ARHGAP32: variants seen among roughly 807,000 people sequenced by gnomAD.
ARHGAP32 encodes Rho GTPase activating protein 32.
ARHGAP32 carries 51 observed loss-of-function variants against 186.5 expected under a neutral mutation model. That is an observed-to-expected ratio of 0.27 (90% CI 0.22 to 0.35). ARHGAP32 has a LOEUF of 0.35. Ranked by LOEUF, ARHGAP32 falls within the 10% of genes least tolerant of loss-of-function variation. ARHGAP32 has a pLI of 1.00. For missense variants in ARHGAP32, 2,186 were observed against 2,623.5 expected (o/e 0.83, Z 3.64); for synonymous variants, 950 against 964.3 (o/e 0.99, Z 0.27).
chr11:129,123,834 A>G lies in ARHGAP32; in HGVS notation c.359+54T>C, dbSNP rs1942593182. On this transcript the variant is annotated intron_variant, in intron 4 of 22. Coordinates refer to ENST00000682385, the MANE Select transcript of ARHGAP32 (RefSeq NM_001378024.1). The surrounding 1 kb of genome is among the most constrained non-coding windows in gnomAD (Gnocchi z 4.6). ...GGCAAATGTTATGGAAACTGTGGACAGCCAGCTTCTAACCAGAAGCATTCC... is the reference window on the plus strand; with the variant it reads ...GGCAAATGTTATGGAAACTGTGGACGGCCAGCTTCTAACCAGAAGCATTCC... The G allele has an allele frequency of 3.1e-6, 4 of 1,272,040 alleles. No homozygotes were observed. Among genetic ancestry groups the G allele is most frequent in the Non-Finnish European group, 4.1e-6 (4 of 974,752 alleles). 78.8% of individuals were successfully genotyped at this position (1,272,040 alleles called of 1,614,324 possible).
intron 11 of ARHGAP32, among the ~76,000 whole-genome samples, chr11:129,038,298 C>T (rs1164357429): frequency 6.6e-6 from 1 of 151,994 alleles, no homozygotes; most frequent in Non-Finnish European, 1.5e-5. Context: ...CCTGCCTCAT[C>T]ACCATACACA....
At position 128,974,602 on chromosome 11, in the gene ARHGAP32, G is replaced by C. The variant is rs776618929; in HGVS notation, c.2595C>G (p.Ser865Arg). The C allele has an allele frequency of 6.2e-7, 1 of 1,614,186 alleles. No individual in the cohort carries two copies. Among genetic ancestry groups the C allele is most frequent in the Non-Finnish European group, 8.5e-7 (1 of 1,180,028 alleles). The change falls in exon 21 of 23, where the codon AGC (serine) becomes AGG (arginine). Residue 865 changes from serine to arginine, a missense_variant. Around this residue, in one of 5 missense-constraint regions of ARHGAP32, gnomAD observed 1,502 missense variants for 1,570.0 expected, o/e 0.96. Coordinates refer to ENST00000682385, the MANE Select transcript of ARHGAP32 (RefSeq NM_001378024.1). ...CCTGAAGAGGAGAGACAGGTTCAGAGCTTGCTGTGCTTCCTGGAGTCTGAC... is the reference window on the plus strand; with the variant it reads ...CCTGAAGAGGAGAGACAGGTTCAGACCTTGCTGTGCTTCCTGGAGTCTGAC... The part of the protein sequence containing the change: ...SQCQTPGSTA[S>R]SEPVSPLQEK...
intron 1 of ARHGAP32, among the ~76,000 whole-genome samples, chr11:129,273,129 T>C (rs1048253553): frequency 6.6e-6 from 1 of 152,220 alleles, no homozygotes; most frequent in Non-Finnish European, 1.5e-5. Flanking sequence ...GTCCTCAAAC[T>C]GCCAGATCAT....
chr11:129,130,743 G>A (rs1443100275), intron 2 of ARHGAP32, among the ~76,000 whole-genome samples: 1 of 152,158 alleles, frequency 6.6e-6, no homozygotes, highest in Non-Finnish European at 1.5e-5. Context: ...TTGGTGGTTA[G>A]AGTATACAAC....
At chr11:129,275,028 T>C (rs1945515010) in intron 1 of ARHGAP32, among the ~76,000 whole-genome samples, 2 of 152,326 alleles carry the variant, frequency 1.3e-5, no homozygotes, top group East Asian at 1.9e-4. Flanking sequence ...CAGAAGTATC[T>C]TTCCACCCAT....
At chr11:128,997,115 T>C (rs1229289408) in intron 12 of ARHGAP32, among the ~76,000 whole-genome samples, 1 of 152,216 alleles carries the variant, frequency 6.6e-6, no homozygotes, top group African/African-American at 2.4e-5. Context: ...ATTGTTTTAA[T>C]ATATAGTAAA....
chr11:129,137,678 A>G (rs936384815), intron 2 of ARHGAP32, among the ~76,000 whole-genome samples: 2 of 152,058 alleles, frequency 1.3e-5, no homozygotes, highest in Non-Finnish European at 2.9e-5. Flanking sequence ...AGATACAAAT[A>G]TAAAATCGAA....
chr11:129,064,932 G>T lies in ARHGAP32; in HGVS notation c.671C>A (p.Ser224Ter). ...GTAAGCCATAAGCATCTGAGTGACC[G>T]ACTGAAAAGAAAAAGATCAGTGTAA... is the stretch of plus-strand genomic sequence containing the variant. Reference protein sequence around the residue: ...RSDTLKDSPESVTQMLMAYLS... With the variant: ...RSDTLKDSPE The change falls in exon 8 of 23, where the codon TCG (serine) becomes TAG (stop). Residue 224 changes from serine (S) to a stop codon, truncating the protein, a stop_gained and splice_region_variant. Transcript: ENST00000682385. LOFTEE classifies it high-confidence loss of function. 6.3e-7 allele frequency: 1 copy of T among 1,580,812 alleles called. No individual in the cohort carries two copies. Among genetic ancestry groups the T allele is most frequent in the South Asian group, 1.2e-5 (1 of 85,890 alleles).
At chr11:128,986,439 G>A in intron 14 of ARHGAP32, 85 bp downstream of exon 14, 1 of 1,450,308 alleles carries the variant, frequency 6.9e-7, no homozygotes, top group Non-Finnish European at 9.6e-7. Context: ...TTTCTTACAT[G>A]TGACCAAACC....
At chr11:129,075,425 C>T (rs376493853) in intron 6 of ARHGAP32, among the ~76,000 whole-genome samples, 71 of 152,216 alleles carry the variant, frequency 4.7e-4, no homozygotes, top group African/African-American at 1.6e-3. Context: ...TGGATCAATA[C>T]TCCAAGAAGA....
In ARHGAP32 at chr11:129,062,323, G is replaced by A. The variant is rs761787174; in HGVS notation, c.920C>T (p.Pro307Leu). Reference sequence around the variant, plus strand: ...TCTCCACCATGTGCTTAACACTTTCGGGGGCATGTCAATAACAGAAACAAT... The same window carrying A: ...TCTCCACCATGTGCTTAACACTTTCAGGGGCATGTCAATAACAGAAACAAT... ...GDIVSVIDMP[P>L]KVLSTWWRGK... Residue 307 changes from proline (P) to leucine (L), a missense_variant, in exon 10 of 23, where the codon CCG becomes CTG. Coordinates refer to ENST00000682385, the MANE Select transcript of ARHGAP32 (RefSeq NM_001378024.1). The A allele has an allele frequency of 3.7e-6, 6 of 1,613,528 alleles. No homozygotes were observed. The highest frequency in any genetic ancestry group is 5.1e-6 in the Non-Finnish European group (6 of 1,179,642).
At chr11:129,237,004 G>A (rs1441584317) in intron 1 of ARHGAP32, among the ~76,000 whole-genome samples, 1 of 152,186 alleles carries the variant, frequency 6.6e-6, no homozygotes, top group Non-Finnish European at 1.5e-5. Flanking sequence ...CTATTGAGAT[G>A]ATCATGTGAT....
chr11:129,056,826 G>C (rs1940271649), intron 10 of ARHGAP32, among the ~76,000 whole-genome samples: 1 of 152,156 alleles, frequency 6.6e-6, no homozygotes, highest in African/African-American at 2.4e-5. Context: ...GCTCAAGAGG[G>C]TGACACCTCA....
chr11:129,046,799 A>G (rs375335150), intron 10 of ARHGAP32, among the ~76,000 whole-genome samples: 1 of 152,144 alleles, frequency 6.6e-6, no homozygotes, highest in Non-Finnish European at 1.5e-5. Context: ...GGAATTCAGC[A>G]TAACGATCAT....
intron 10 of ARHGAP32, among the ~76,000 whole-genome samples, chr11:129,056,869 C>G (rs1388167816): frequency 6.6e-6 from 1 of 152,170 alleles, no homozygotes; most frequent in African/African-American, 2.4e-5. Context: ...GAAGCAGTAG[C>G]CCACATCCTT....
chr11:128,978,371 T>C (rs1945611870), intron 19 of ARHGAP32, among the ~76,000 whole-genome samples: 1 of 152,178 alleles, frequency 6.6e-6, no homozygotes, highest in Non-Finnish European at 1.5e-5. Context: ...TAATAAAAAA[T>C]ACCTTCTTTA....
intron 5 of ARHGAP32, among the ~76,000 whole-genome samples, chr11:129,097,393 T>C (rs1941763216): frequency 1.3e-5 from 2 of 152,118 alleles, no homozygotes; most frequent in South Asian, 4.1e-4. Flanking sequence ...ATCTTAAAGA[T>C]GTTCGAAGAC....
At chr11:129,050,220 C>T (rs1939985521) in intron 10 of ARHGAP32, among the ~76,000 whole-genome samples, 1 of 152,180 alleles carries the variant, frequency 6.6e-6, no homozygotes, top group Non-Finnish European at 1.5e-5. Context: ...AAGTATGAAT[C>T]AATACCTCAT....
chr11:129,195,714 C>CA (rs34200225), upstream of ARHGAP32, among the ~76,000 whole-genome samples: 9 of 149,848 alleles, frequency 6.0e-5, no homozygotes, highest in South Asian at 2.1e-4. Context: ...ACCTCCGTCT[C>CA]AAAAAAAAAG....
Sources: gnomAD v4.1 joint callset for allele counts (sites outside exome capture counted in the v4.1 genomes callset) on GRCh38, gnomAD v4.1.1 for gene constraint, gnomAD v4.1.1 regional missense constraint, Gnocchi (gnomAD v3.1) non-coding constraint, MANE v1.5 for transcripts, NCBI Gene and HGNC (gene_info 2026-07-23, HGNC 2026-07-21) for gene names.